FAT3: variants seen among roughly 807,000 people sequenced by gnomAD.
FAT3 encodes protocadherin Fat 3.
In FAT3, 95 loss-of-function variants were observed where a neutral mutation model predicts 310.2. The observed-to-expected ratio is 0.31, with a 90% CI of 0.26 to 0.36. The LOEUF (loss-of-function observed/expected upper bound fraction) is 0.36. Ranked by LOEUF, FAT3 falls within the 10% of genes least tolerant of loss-of-function variation. The pLI is 1.00. For missense variants in FAT3, 5,408 were observed against 5,715.6 expected, an observed-to-expected ratio of 0.95 and a Z score of 1.74; for synonymous variants, 2,314 against 2,192.9, an observed-to-expected ratio of 1.06 and a Z score of -1.54.
intron 3 of FAT3, among the ~76,000 whole-genome samples, chr11:92,614,613 C>A (rs978866517): frequency 6.6e-6 from 1 of 152,078 alleles, no homozygotes; most frequent in Non-Finnish European, 1.5e-5. Flanking sequence ...GATAGAAATT[C>A]TTCGTATGAT....
At chr11:92,277,598 C>T (rs1462288892) in intron 1 of FAT3, among the ~76,000 whole-genome samples, 1 of 152,078 alleles carries the variant, frequency 6.6e-6, no homozygotes, top group Non-Finnish European at 1.5e-5. Flanking sequence ...AGTGAGATAA[C>T]ACAGGAGTAA....
intron 27 of FAT3, among the ~76,000 whole-genome samples, 183 bp downstream of exon 27, chr11:92,890,074 G>A (rs529607849): frequency 3.9e-5 from 6 of 152,278 alleles, no homozygotes; most frequent in East Asian, 1.9e-4. Flanking sequence ...TCCTCTGTGC[G>A]TGTGTTTCAC....
At chr11:92,549,002 G>T (rs1224327228) in intron 3 of FAT3, among the ~76,000 whole-genome samples, 4 of 152,116 alleles carry the variant, frequency 2.6e-5, no homozygotes, top group African/African-American at 9.7e-5. Flanking sequence ...TTGATTAAAA[G>T]CAGAAAACCT....
chr11:92,440,763 A>G (rs990692402), intron 2 of FAT3, among the ~76,000 whole-genome samples: 2 of 152,232 alleles, frequency 1.3e-5, no homozygotes, highest in Non-Finnish European at 2.9e-5. Context: ...CCAAAGGGTT[A>G]GTAATAATTG....
At chr11:92,418,805 G>A (rs1365374636) in intron 2 of FAT3, among the ~76,000 whole-genome samples, 1 of 152,116 alleles carries the variant, frequency 6.6e-6, no homozygotes, top group Non-Finnish European at 1.5e-5. Context: ...GTTTTTATGG[G>A]CATATCTTGC....
chr11:92,320,744 C>G (rs897935689), intron 1 of FAT3, among the ~76,000 whole-genome samples: 14 of 152,048 alleles, frequency 9.2e-5, no homozygotes, highest in Admixed American at 7.2e-4. Context: ...GTGGCACATA[C>G]CTGCAATCCC....
At chr11:92,701,981 A>C (rs1187238639) in intron 4 of FAT3, among the ~76,000 whole-genome samples, 1 of 152,202 alleles carries the variant, frequency 6.6e-6, no homozygotes, top group African/African-American at 2.4e-5. Flanking sequence ...GAATTAAGGT[A>C]GTGTGGGAAA....
chr11:92,340,111 C>CAAAAAAAAAA (rs56378818), intron 1 of FAT3, among the ~76,000 whole-genome samples: 1 of 49,152 alleles, frequency 2.0e-5, no homozygotes, highest in African/African-American at 7.8e-5. Context: ...GACTCCATCT[C>CAAAAAAAAAA]AAAAAAAAAA....
At chr11:92,496,612 C>T (rs181129955) in intron 2 of FAT3, among the ~76,000 whole-genome samples, 37 of 152,090 alleles carry the variant, frequency 2.4e-4, no homozygotes, top group East Asian at 5.8e-4. Flanking sequence ...AGGTTGTAAC[C>T]GTGACTGCGG....
At chr11:92,811,403 G>A (rs1348805569) in intron 13 of FAT3, among the ~76,000 whole-genome samples, 1 of 151,682 alleles carries the variant, frequency 6.6e-6, no homozygotes, top group Non-Finnish European at 1.5e-5. Context: ...CTCCATGAAG[G>A]AATTGAGTGT....
chr11:92,251,820 T>C, intron 1 of FAT3, among the ~76,000 whole-genome samples: 1 of 152,166 alleles, frequency 6.6e-6, no homozygotes, highest in Admixed American at 6.5e-5. Context: ...TATTGTTTTT[T>C]GAGAAAAGAG....
chr11:92,300,350 G>A (rs535085656), intron 1 of FAT3, among the ~76,000 whole-genome samples: 67 of 152,198 alleles, frequency 4.4e-4, no homozygotes, highest in African/African-American at 1.4e-3. Flanking sequence ...GTTTGGGTGT[G>A]CATTTATCAT....
At chr11:92,452,497 G>A (rs940757606) in intron 2 of FAT3, among the ~76,000 whole-genome samples, 15 of 152,118 alleles carry the variant, frequency 9.9e-5, no homozygotes. Flanking sequence ...GAGGGGTTGA[G>A]CAATAACTTA....
chr11:92,668,976 C>T lies in FAT3; in HGVS notation c.3608-28408C>T, dbSNP rs1943045330. Among the ~76,000 whole-genome samples the T allele has an allele frequency of 4.6e-5, 7 of 152,284 alleles. No homozygotes were observed. In the South Asian group the frequency reaches 1.5e-3, roughly 32 times the overall value. On this transcript the variant is annotated intron_variant, in intron 3 of 27. Transcript: ENST00000525166. ...TCATGAGCTACTCAGGGCACTTAGA[C>T]AATAGCACCAAAGGATACCTGTGGG...
intron 21 of FAT3, among the ~76,000 whole-genome samples, chr11:92,863,163 G>T (rs977964818): frequency 3.3e-5 from 5 of 152,006 alleles, no homozygotes; most frequent in Admixed American, 1.3e-4. Flanking sequence ...CCCCAGGCTG[G>T]TCTCAAACTG....
chr11:92,430,463 A>T (rs1950740208), intron 2 of FAT3, among the ~76,000 whole-genome samples: 1 of 150,956 alleles, frequency 6.6e-6, no homozygotes, highest in Non-Finnish European at 1.5e-5. Context: ...CCTTATCTTC[A>T]TGGATTTGTC....
At chr11:92,640,882 A>G (rs996519377) in intron 3 of FAT3, among the ~76,000 whole-genome samples, 5 of 152,164 alleles carry the variant, frequency 3.3e-5, no homozygotes, top group African/African-American at 1.2e-4. Context: ...ACCCAGGATG[A>G]TGAAGGAATT....
chr11:92,849,392 A>C (rs1948761516), intron 19 of FAT3, among the ~76,000 whole-genome samples: 1 of 152,138 alleles, frequency 6.6e-6, no homozygotes, highest in African/African-American at 2.4e-5. Context: ...CACTGAGATG[A>C]TCTTCTGCCT....
chr11:92,418,905 A>G (rs909269341), intron 2 of FAT3, among the ~76,000 whole-genome samples: 8 of 152,142 alleles, frequency 5.3e-5, no homozygotes, highest in African/African-American at 1.4e-4. Context: ...AATTGTGCCT[A>G]TGATAGCTTT....
Sources: allele counts gnomAD v4.1 joint callset (sites outside exome capture counted in the v4.1 genomes callset), GRCh38; gene constraint gnomAD v4.1.1; transcripts MANE v1.5; gene names NCBI Gene and HGNC (gene_info 2026-07-23, HGNC 2026-07-21).